Variants in MYH10 observed in about 807,000 individuals in gnomAD.
MYH10 encodes the protein myosin-10.
In MYH10, 55 loss-of-function variants were observed where a neutral mutation model predicts 257.8. The observed-to-expected ratio is 0.21, with a 90% CI of 0.17 to 0.27. The LOEUF is 0.27. MYH10 is among the 10% of genes least tolerant of loss of function. MYH10 has a pLI of 1.00. For missense variants in MYH10, 1,631 were observed against 2,500.6 expected (o/e 0.65, Z 7.42); for synonymous variants, 854 against 921.7 (o/e 0.93, Z 1.33).
intron 4 of MYH10, among the ~76,000 whole-genome samples, chr17:8,579,770 A>G (rs1360556947): frequency 6.6e-6 from 1 of 152,194 alleles, no homozygotes; most frequent in Non-Finnish European, 1.5e-5. Context: ...TCTCATTTTT[A>G]TATCATCTGT....
rs138749663 is a variant in MYH10 at position 8,594,390 on chromosome 17, C to A, written c.503-5282G>T. ...AAAACTACAGTGAGATACTACTACT[C>A]ATCTATTAGAAAGAATACAATTTAA... On this transcript the variant is annotated intron_variant, in intron 3 of 42. Transcript: ENST00000360416. Among the ~76,000 whole-genome samples, 198 of 152,286 alleles carry A rather than the reference C, an allele frequency of 1.3e-3. 1 individual carries two copies. Among genetic ancestry groups the A allele is most frequent in the South Asian group, 4.1e-4 (2 of 4,822 alleles).
At chr17:8,596,530 T>C (rs928098447) in intron 3 of MYH10, among the ~76,000 whole-genome samples, 3 of 152,094 alleles carry the variant, frequency 2.0e-5, no homozygotes, top group Non-Finnish European at 2.9e-5. Flanking sequence ...TTTCTCCTAA[T>C]GTAGGAAACT....
chr17:8,585,416 A>C (rs74404834), intron 4 of MYH10, among the ~76,000 whole-genome samples: 16,154 of 151,186 alleles, frequency 0.11, 1,087 homozygotes, highest in Admixed American at 0.17. Context: ...GACTGCCCCT[A>C]AATAGTTATC....
intron 7 of MYH10, among the ~76,000 whole-genome samples, chr17:8,566,984 G>A (rs1188401408): frequency 6.6e-6 from 1 of 152,136 alleles, no homozygotes; most frequent in Admixed American, 6.5e-5. Flanking sequence ...TTGAGGGCTG[G>A]GGGTGGGGGA....
chr17:8,605,085 C>T (rs942170444), intron 2 of MYH10, 103 bp from the exon 3 acceptor site: 2 of 594,748 alleles, frequency 3.4e-6, no homozygotes, highest in Admixed American at 4.1e-5. Flanking sequence ...AGCAGGAGAT[C>T]TTTACCTTTT....
At chr17:8,567,560 A>C (rs1299754987) in intron 7 of MYH10, among the ~76,000 whole-genome samples, 1 of 152,162 alleles carries the variant, frequency 6.6e-6, no homozygotes, top group African/African-American at 2.4e-5. Flanking sequence ...GAGGGTCTTT[A>C]AAGAAGTCAT....
At position 8,480,238 on chromosome 17, in the gene MYH10, C is replaced by T. The variant is rs746286085; in HGVS notation, c.5469G>A (p.Arg1823=). Residue 1823 remains arginine (R), a synonymous_variant, in exon 40 of 43, where the codon CGG becomes CGA. Transcript: ENST00000360416. ...GCTTGGCCTTCAGCTCCTTGTTCTG[C>T]CGCTCCAGTTGCTGGCGTGCATTGT... ...KSDNARQQLE[R]QNKELKAKLQ... 1.3e-5 allele frequency: 21 copies of T among 1,613,994 alleles called. No homozygotes were observed. Among genetic ancestry groups the T allele is most frequent in the Non-Finnish European group, 1.7e-5 (20 of 1,180,042 alleles).
chr17:8,489,210 G>A (rs1033373973), intron 35 of MYH10, among the ~76,000 whole-genome samples: 6 of 152,060 alleles, frequency 3.9e-5, no homozygotes, highest in South Asian at 2.1e-4. Flanking sequence ...TCAGGCCTTC[G>A]AATTATGCAG....
chr17:8,498,805 G>A (rs1002417249), intron 30 of MYH10, among the ~76,000 whole-genome samples: 7 of 151,978 alleles, frequency 4.6e-5, no homozygotes, highest in African/African-American at 7.3e-5. Flanking sequence ...CAGAGATTGC[G>A]CCACTGCACT....
rs754273088 is a variant in MYH10 at position 8,492,931 on chromosome 17, G to A, written c.4303C>T (p.Leu1435=). 11 of 1,613,956 alleles carry A rather than the reference G, an allele frequency of 6.8e-6. No homozygotes were observed. The East Asian group carries it at 2.2e-4, about 33-fold the overall frequency. ...GCCTTCTCCTCCAGGCGCTGGCTCAGGGCCTCCGCGTCCTTCAGAAGCTTC... is the reference window on the plus strand; with the variant it reads ...GCCTTCTCCTCCAGGCGCTGGCTCAAGGCCTCCGCGTCCTTCAGAAGCTTC... ...KKKLLKDAEA[L]SQRLEEKALA... Residue 1435 remains leucine, a synonymous_variant, in exon 33 of 43, where the codon CTG becomes TTG. Coordinates refer to ENST00000360416, the MANE Select transcript of MYH10 (RefSeq NM_001256012.3).
intron 6 of MYH10, among the ~76,000 whole-genome samples, 197 bp from the exon 7 acceptor site, chr17:8,570,009 A>G (rs2083285535): frequency 6.6e-6 from 1 of 152,214 alleles, no homozygotes; most frequent in Non-Finnish European, 1.5e-5. Flanking sequence ...GGAAAAAATT[A>G]GCATCTATAA....
chr17:8,555,035 C>T (rs921749699), intron 7 of MYH10, among the ~76,000 whole-genome samples: 3 of 149,980 alleles, frequency 2.0e-5, no homozygotes, highest in African/African-American at 4.9e-5. Flanking sequence ...ACCCGGGAGG[C>T]GGAGGTTGCA....
chr17:8,495,892 GT>G (rs1488720588), intron 30 of MYH10, among the ~76,000 whole-genome samples: 5 of 152,024 alleles, frequency 3.3e-5, no homozygotes, highest in Admixed American at 1.3e-4. Context: ...TGTATCTTTA[GT>G]AGAGACGGGG....
At chr17:8,518,503 C>T in intron 21 of MYH10, 128 bp downstream of exon 21, 1 of 949,838 alleles carries the variant, frequency 1.1e-6, no homozygotes. Flanking sequence ...ACTATCTCTG[C>T]CACTATAAAG....
In MYH10 at chr17:8,476,994, C is replaced by T; in HGVS notation, c.5761G>A (p.Glu1921Lys). The change falls in exon 42 of 43, where the codon GAA (glutamate) becomes AAA (lysine). Residue 1921 changes from glutamate to lysine, a missense_variant. Around this residue, in one of 11 missense-constraint regions of MYH10, gnomAD observed 343 missense variants for 389.5 expected, o/e 0.88. Transcript: ENST00000360416. ...KQLKRQLEEA[E>K]EEATRANASR... is the part of the protein sequence containing the mutation. ...GCGTTGGCACGCGTCGCTTCTTCTT[C>T]TGCTTCCTCCAGCTGGCGTTTAAGC... is the stretch of plus-strand genomic sequence containing the variant. 1 of 1,614,228 alleles carries T rather than the reference C, an allele frequency of 6.2e-7. No individual in the cohort carries two copies. Among genetic ancestry groups the T allele is most frequent in the Non-Finnish European group, 8.5e-7 (1 of 1,180,052 alleles).
In MYH10 at chr17:8,535,808, G is replaced by A; in HGVS notation, c.1729C>T (p.Arg577Ter). 6.2e-7 allele frequency: 1 copy of A among 1,613,982 alleles called. No homozygotes were observed. The highest frequency in any genetic ancestry group is 8.5e-7 in the Non-Finnish European group (1 of 1,180,000). Residue 577 changes from arginine to a stop codon, truncating the protein, a stop_gained, in exon 15 of 43, where the codon CGA becomes TGA. Transcript: ENST00000360416. LOFTEE classifies it high-confidence loss of function. The surrounding 1 kb of genome is among the most constrained non-coding windows in gnomAD (Gnocchi z 4.3). ...AAATCAGCTTTGTCTTTTAATTGTC[G>A]AGGTTTCTGAAACTTGGAGTGGGAA... ...QGSHSKFQKP[R>*]QLKDKADFCI...
At position 8,561,294 on chromosome 17, in the gene MYH10, G is replaced by A. The variant is rs2082985036; in HGVS notation, c.757-7276C>T. The A allele has an allele frequency of 1.2e-5, 13 of 1,070,618 alleles. No individual in the cohort carries two copies. The East Asian group carries it at 1.4e-4, about 12-fold the overall frequency. 66.3% of individuals were successfully genotyped at this position (1,070,618 alleles called of 1,614,324 possible). A position where few individuals can be genotyped will look rare whatever the true frequency, so the allele number is the denominator to read the frequency against. On this transcript the variant is annotated intron_variant, in intron 7 of 42. Transcript: ENST00000360416. ...GGCCGCGGCCACGTGCAGGCTATTC[G>A]CTGCACTAACTGTGCCCGATGCATG...
At chr17:8,627,924 C>A (rs2085744226) in intron 1 of MYH10, among the ~76,000 whole-genome samples, 1 of 152,204 alleles carries the variant, frequency 6.6e-6, no homozygotes, top group African/African-American at 2.4e-5. Flanking sequence ...CCCAAGGGCA[C>A]ACAGCTAACA....
chr17:8,486,459 G>A (rs1232783172), intron 36 of MYH10, among the ~76,000 whole-genome samples: 1 of 148,994 alleles, frequency 6.7e-6, no homozygotes, highest in South Asian at 2.1e-4. Context: ...AGCCATGACT[G>A]CACCACCATA....
Sources: allele counts gnomAD v4.1 joint callset (sites outside exome capture counted in the v4.1 genomes callset), GRCh38; gene constraint gnomAD v4.1.1; regional missense constraint gnomAD v4.1.1; non-coding constraint Gnocchi (gnomAD v3.1); transcripts MANE v1.5; gene names NCBI Gene and HGNC (gene_info 2026-07-23, HGNC 2026-07-21).